Variants in HS2ST1 observed in about 807,000 individuals in gnomAD.
HS2ST1 encodes 2-O-sulfotransferase.
Under a neutral mutation model 42.9 loss-of-function variants are expected in HS2ST1, and 18 were observed. The observed-to-expected ratio is 0.42, with a 90% CI of 0.29 to 0.62. HS2ST1 has a LOEUF of 0.62. HS2ST1 is among the 20% of genes least tolerant of loss of function. HS2ST1 has a pLI of 0.21. For synonymous variants in HS2ST1, 146 were observed against 152.9 expected, an observed-to-expected ratio of 0.95 and a Z score of 0.33; for missense variants, 334 against 433.8, an observed-to-expected ratio of 0.77 and a Z score of 2.04.
chr1:87,044,247 CTATT>C lies in HS2ST1; in HGVS notation c.125-28672_125-28669del, dbSNP rs555879069. 3.1e-3 allele frequency among the ~76,000 whole-genome samples: 468 copies of C among 152,138 alleles called. 2 individuals are homozygous for C. The highest frequency in any genetic ancestry group is 0.01 in the African/African-American group (433 of 41,524). ...CTTAGCTTTCTAGTTGACACCATTA[CTATT>C]TATTTATTTATTTAATTTTGTAACA... On this transcript the variant is annotated intron_variant, in intron 1 of 6. Transcript: ENST00000370550.
At chr1:87,085,278 T>G (rs1480223910) in intron 3 of HS2ST1, among the ~76,000 whole-genome samples, 1 of 152,126 alleles carries the variant, frequency 6.6e-6, no homozygotes, top group Non-Finnish European at 1.5e-5. Flanking sequence ...TAACACACCT[T>G]GATATATTGG....
intron 1 of HS2ST1, among the ~76,000 whole-genome samples, chr1:87,020,829 C>T (rs1649924189): frequency 6.6e-6 from 1 of 152,166 alleles, no homozygotes; most frequent in South Asian, 2.1e-4. Flanking sequence ...TTCAGAGGTA[C>T]TGGGGGTTAA....
At chr1:87,088,165 G>A (rs1228081841) in intron 3 of HS2ST1, among the ~76,000 whole-genome samples, 2 of 151,880 alleles carry the variant, frequency 1.3e-5, no homozygotes, top group African/African-American at 4.8e-5. Flanking sequence ...AATCTCTGCT[G>A]GTCCTTATTT....
intron 1 of HS2ST1, among the ~76,000 whole-genome samples, chr1:86,942,543 A>G (rs1660785950): frequency 6.6e-6 from 1 of 152,236 alleles, no homozygotes; most frequent in South Asian, 2.1e-4. Context: ...TTCTAAATCT[A>G]AATAAAATTA....
intron 1 of HS2ST1, among the ~76,000 whole-genome samples, chr1:87,071,620 T>A (rs1328037300): frequency 6.6e-6 from 1 of 150,742 alleles, no homozygotes; most frequent in Non-Finnish European, 1.5e-5. Context: ...TCCCAGCTAC[T>A]CAGTAGGCTG....
rs971147888 is a variant in HS2ST1 at position 87,077,351 on chromosome 1, G to C, written c.363+4179G>C. Among the ~76,000 whole-genome samples, 5 of 152,184 alleles carry C rather than the reference G, an allele frequency of 3.3e-5. No homozygotes were observed. The South Asian group carries it at 1.0e-3, about 32-fold the overall frequency. On this transcript the variant is annotated intron_variant, in intron 2 of 6. Transcript: ENST00000370550. Reference sequence around the variant, plus strand: ...CTTACCCACTAGCCACACTGGCCTTGTGTTTCATTGAATACGCCAAGCCTT... The same window carrying C: ...CTTACCCACTAGCCACACTGGCCTTCTGTTTCATTGAATACGCCAAGCCTT...
intron 1 of HS2ST1, among the ~76,000 whole-genome samples, chr1:87,057,250 A>G (rs985412323): frequency 1.3e-5 from 2 of 152,158 alleles, no homozygotes; most frequent in African/African-American, 4.8e-5. Flanking sequence ...GCTAGATGTA[A>G]CCCACATAAA....
At chr1:87,031,711 T>C (rs1318922956) in intron 1 of HS2ST1, among the ~76,000 whole-genome samples, 2 of 152,208 alleles carry the variant, frequency 1.3e-5, no homozygotes, top group Non-Finnish European at 2.9e-5. Context: ...GTTCTTAAAT[T>C]CTGCGACTGA....
At chr1:87,096,204 T>G (rs533574297) in intron 4 of HS2ST1, among the ~76,000 whole-genome samples, 17 of 152,320 alleles carry the variant, frequency 1.1e-4, no homozygotes, top group African/African-American at 3.8e-4. Flanking sequence ...AGTGGTAGTT[T>G]CAAAAGTTAG....
At chr1:86,917,359 A>C (rs1660184378) in intron 1 of HS2ST1, among the ~76,000 whole-genome samples, 1 of 152,150 alleles carries the variant, frequency 6.6e-6, no homozygotes, top group African/African-American at 2.4e-5. Flanking sequence ...TCTCTACTAA[A>C]AATACAAAAA....
chr1:87,090,024 A>C (rs921278283), intron 3 of HS2ST1, among the ~76,000 whole-genome samples: 15 of 152,154 alleles, frequency 9.9e-5, no homozygotes, highest in African/African-American at 3.6e-4. Flanking sequence ...CAGGAATCTC[A>C]GTCTTAAGAA....
chr1:87,083,258 T>A (rs1651735836), intron 2 of HS2ST1, among the ~76,000 whole-genome samples: 1 of 152,196 alleles, frequency 6.6e-6, no homozygotes, highest in East Asian at 1.9e-4. Context: ...AGTGAAAGAT[T>A]GATAAGTTGT....
chr1:86,936,325 A>T (rs1660652689), intron 1 of HS2ST1, among the ~76,000 whole-genome samples: 2 of 152,108 alleles, frequency 1.3e-5, no homozygotes, highest in South Asian at 4.1e-4. Flanking sequence ...TTTCTATAAC[A>T]TGTCATTGCA....
At chr1:87,047,647 C>T (rs1347080636) in intron 1 of HS2ST1, among the ~76,000 whole-genome samples, 2 of 152,092 alleles carry the variant, frequency 1.3e-5, no homozygotes, top group African/African-American at 4.8e-5. Context: ...CAGTTGTTCC[C>T]ATACTATTTG....
intron 5 of HS2ST1, among the ~76,000 whole-genome samples, chr1:87,101,196 C>T (rs1190943633): frequency 9.6e-6 from 1 of 103,702 alleles, no homozygotes; most frequent in Admixed American, 1.4e-4. Flanking sequence ...GAGGCAGTCT[C>T]ACTCTGTCAG....
At chr1:86,930,033 C>G (rs2102163291) in intron 1 of HS2ST1, among the ~76,000 whole-genome samples, 1 of 151,892 alleles carries the variant, frequency 6.6e-6, no homozygotes, top group African/African-American at 2.4e-5. Context: ...ATTCTACAAT[C>G]AGAAATTTTG....
chr1:87,071,100 C>T (rs892947941), intron 1 of HS2ST1, among the ~76,000 whole-genome samples: 11 of 152,256 alleles, frequency 7.2e-5, no homozygotes, highest in African/African-American at 1.2e-4. Context: ...ATAACACATA[C>T]GTATATCTCT....
At chr1:86,940,044 T>C (rs1211473701) in intron 1 of HS2ST1, among the ~76,000 whole-genome samples, 1 of 152,226 alleles carries the variant, frequency 6.6e-6, no homozygotes, top group Non-Finnish European at 1.5e-5. Context: ...ACAGTGTGCC[T>C]TCTAGGTTTT....
At chr1:87,088,958 A>G (rs1409331904) in intron 3 of HS2ST1, among the ~76,000 whole-genome samples, 2 of 152,048 alleles carry the variant, frequency 1.3e-5, no homozygotes, top group East Asian at 1.9e-4. Context: ...ACTATGTACA[A>G]TGTCTCCAGC....
Sources: allele counts gnomAD v4.1 joint callset (sites outside exome capture counted in the v4.1 genomes callset), GRCh38; gene constraint gnomAD v4.1.1; transcripts MANE v1.5; gene names NCBI Gene and HGNC (gene_info 2026-07-23, HGNC 2026-07-21).